Variants in ANXA2 observed in about 807,000 individuals in gnomAD.
ANXA2 encodes the protein annexin II.
Under a neutral mutation model 47.3 loss-of-function variants are expected in ANXA2, and 28 were observed. The ratio of observed to expected loss-of-function variants is 0.59; its 90% CI spans 0.44 to 0.81. The LOEUF is 0.81. ANXA2 is among the 40% of genes least tolerant of loss of function. The pLI is 0.00. For synonymous variants in ANXA2, 172 were observed against 155.5 expected, an observed-to-expected ratio of 1.11 and a Z score of -0.79; for missense variants, 384 against 414.3, an observed-to-expected ratio of 0.93 and a Z score of 0.64.
intron 3 of ANXA2, among the ~76,000 whole-genome samples, chr15:60,370,207 T>A (rs1324547008): frequency 6.6e-6 from 1 of 152,226 alleles, no homozygotes; most frequent in African/African-American, 2.4e-5. Context: ...ACAGCCGTAA[T>A]GCATTGCACA....
Position 60,397,965 on chromosome 15 carries a change from A to G in ANXA2, c.-34T>C, listed in dbSNP as rs1332348940. Reference sequence around the variant, plus strand: ...TACCTGGGCCGTGCGCCGAGAGCTGAGAGCGTCCCCAAATGCTGAGCAGAG... The same window carrying G: ...TACCTGGGCCGTGCGCCGAGAGCTGGGAGCGTCCCCAAATGCTGAGCAGAG... On this transcript the variant is annotated 5_prime_UTR_variant, in exon 1 of 13. Coordinates refer to ENST00000451270, the MANE Select transcript of ANXA2 (RefSeq NM_004039.3). 7.9e-7 allele frequency: 1 copy of G among 1,265,404 alleles called. No homozygotes were observed. Among genetic ancestry groups the G allele is most frequent in the Non-Finnish European group, 1.0e-6 (1 of 1,001,886 alleles). 78.4% of individuals were successfully genotyped at this position (1,265,404 alleles called of 1,614,324 possible). A position where few individuals can be genotyped will look rare whatever the true frequency, so the allele number is the denominator to read the frequency against.
At chr15:60,381,096 G>C (rs1485569740) in intron 3 of ANXA2, among the ~76,000 whole-genome samples, 1 of 152,150 alleles carries the variant, frequency 6.6e-6, no homozygotes, top group Non-Finnish European at 1.5e-5. Context: ...AGACAGTTCT[G>C]AGAGTGAAAG....
chr15:60,361,499 TG>T (rs991770515), intron 4 of ANXA2: 54 of 163,402 alleles, frequency 3.3e-4, no homozygotes, highest in African/African-American at 1.2e-3. Flanking sequence ...GTAAAAGACG[TG>T]GGGGCAGCCA....
At chr15:60,390,924 GTGC>G (rs1396284040) in intron 1 of ANXA2, 1 of 153,038 alleles carries the variant, frequency 6.5e-6, no homozygotes, top group East Asian at 1.9e-4. Flanking sequence ...ATGTGTCAGT[GTGC>G]TGCTATCCTT....
At chr15:60,366,957 C>T (rs2062624838) in intron 3 of ANXA2, among the ~76,000 whole-genome samples, 1 of 87,190 alleles carries the variant, frequency 1.1e-5, no homozygotes, top group Admixed American at 1.1e-4. Context: ...CCAGCCGCCC[C>T]GTCCGGGAGG....
chr15:60,375,896 T>C (rs894528351), intron 3 of ANXA2, among the ~76,000 whole-genome samples: 2 of 152,196 alleles, frequency 1.3e-5, no homozygotes, highest in Non-Finnish European at 2.9e-5. Flanking sequence ...AGCTTGTTGA[T>C]GCTGTGCACT....
chr15:60,392,158 A>AC (rs1235694913), intron 1 of ANXA2, among the ~76,000 whole-genome samples: 1 of 152,220 alleles, frequency 6.6e-6, no homozygotes, highest in Non-Finnish European at 1.5e-5. Context: ...CCCCACCCTA[A>AC]TGAAAAGAAC....
Position 60,347,541 on chromosome 15 carries a change from G to T in ANXA2, c.*89C>A. ...ACGTCACCCTCACAGGGATGGCCAC[G>T]GGGACTGTTATTCGCAAGCTGGTTT... On this transcript the variant is annotated 3_prime_UTR_variant, in exon 13 of 13. Transcript: ENST00000451270. 1 of 1,329,774 alleles carries T rather than the reference G, an allele frequency of 7.5e-7. No homozygotes were observed. 82.4% of individuals were successfully genotyped at this position (1,329,774 alleles called of 1,614,324 possible).
intron 5 of ANXA2, among the ~76,000 whole-genome samples, chr15:60,360,350 T>TA (rs2062495413): frequency 6.6e-6 from 1 of 152,200 alleles, no homozygotes; most frequent in South Asian, 2.1e-4. Flanking sequence ...TAATTTAACC[T>TA]AAAATTCCAG....
intron 4 of ANXA2, 87 bp downstream of exon 4, chr15:60,364,342 G>A: frequency 4.7e-6 from 5 of 1,054,404 alleles, no homozygotes; most frequent in Non-Finnish European, 5.7e-6. Flanking sequence ...TTGCGCATGA[G>A]AGCCACAATT....
At chr15:60,371,363 T>C (rs1409905867) in intron 3 of ANXA2, among the ~76,000 whole-genome samples, 1 of 152,174 alleles carries the variant, frequency 6.6e-6, no homozygotes, top group Non-Finnish European at 1.5e-5. Flanking sequence ...ATTCACCATA[T>C]TTTTCAAGCA....
intron 3 of ANXA2, among the ~76,000 whole-genome samples, chr15:60,372,542 C>T (rs576296531): frequency 1.2e-4 from 18 of 152,228 alleles, no homozygotes; most frequent in Non-Finnish European, 1.6e-4. Flanking sequence ...TCTTACCTGA[C>T]GTGCTACTTA....
At chr15:60,371,482 G>A (rs943954643) in intron 3 of ANXA2, among the ~76,000 whole-genome samples, 6 of 152,278 alleles carry the variant, frequency 3.9e-5, no homozygotes, top group Middle Eastern at 3.4e-3. Flanking sequence ...CAGCTCAAGC[G>A]CCTGGCATTC....
chr15:60,352,570 C>T lies in ANXA2; in HGVS notation c.589-94G>A. ...AAAAAAACAAAAAAAGCTACACATTCAAAATGCCAAACGAGGAAAGATGAT... is the reference window on the plus strand; with the variant it reads ...AAAAAAACAAAAAAAGCTACACATTTAAAATGCCAAACGAGGAAAGATGAT... On this transcript the variant is annotated intron_variant, in intron 8 of 12. Transcript: ENST00000451270. This position sits in a 1 kb window ranked among gnomAD's most constrained non-coding sequence, Gnocchi z 4.2. 1.2e-6 allele frequency: 1 copy of T among 842,226 alleles called. No homozygotes were observed. Among genetic ancestry groups the T allele is most frequent in the Non-Finnish European group, 1.9e-6 (1 of 514,264 alleles). 52.2% of individuals were successfully genotyped at this position (842,226 alleles called of 1,614,324 possible).
intron 1 of ANXA2, chr15:60,393,521 C>A: frequency 1.0e-6 from 1 of 990,468 alleles, no homozygotes; most frequent in Non-Finnish European, 1.2e-6. Flanking sequence ...ATCTTCTATA[C>A]ACACACACAT....
chr15:60,366,103 G>A lies in ANXA2; in HGVS notation c.149-1580C>T, dbSNP rs1404252426. Among the ~76,000 whole-genome samples the A allele has an allele frequency of 6.7e-3, 847 of 125,640 alleles. 9 individuals carry two copies. Among genetic ancestry groups the A allele is most frequent in the African/African-American group, 0.026 (821 of 31,338 alleles). 82.4% of individuals were successfully genotyped at this position (125,640 alleles called of 152,430 possible). ...TAACCGCGAGTGATCCGCCAGCCTC[G>A]GCCTCCCGAGGTGCTGGGATTGCAG... On this transcript the variant is annotated intron_variant, in intron 3 of 12. Transcript: ENST00000451270.
At chr15:60,348,377 G>A (rs947439200) in intron 12 of ANXA2, among the ~76,000 whole-genome samples, 2 of 152,176 alleles carry the variant, frequency 1.3e-5, no homozygotes, top group East Asian at 1.9e-4. Flanking sequence ...ACTGATTGGA[G>A]AGATGGGAGT....
At chr15:60,388,862 C>T (rs2062969179) in intron 1 of ANXA2, among the ~76,000 whole-genome samples, 1 of 151,368 alleles carries the variant, frequency 6.6e-6, no homozygotes. Flanking sequence ...CTGCCTCAGC[C>T]TCCCAAGTAG....
chr15:60,394,210 G>A (rs565103399), intron 1 of ANXA2, among the ~76,000 whole-genome samples: 5 of 152,308 alleles, frequency 3.3e-5, no homozygotes, highest in African/African-American at 1.2e-4. Context: ...CAGGATGTAC[G>A]AGTGGCCTTA....
Sources: gnomAD v4.1 joint callset for allele counts (sites outside exome capture counted in the v4.1 genomes callset) on GRCh38, gnomAD v4.1.1 for gene constraint, Gnocchi (gnomAD v3.1) non-coding constraint, MANE v1.5 for transcripts, NCBI Gene and HGNC (gene_info 2026-07-23, HGNC 2026-07-21) for gene names.